DLGAP2: variants seen among roughly 807,000 people sequenced by gnomAD.
DLGAP2 encodes the protein DLG associated protein 2, also known as disks large-associated protein 2.
DLGAP2 carries 26 observed loss-of-function variants against 100.3 expected under a neutral mutation model. The ratio of observed to expected loss-of-function variants is 0.26; its 90% CI spans 0.19 to 0.36. The LOEUF (loss-of-function observed/expected upper bound fraction) is 0.36, where lower values mean the gene tolerates loss of function less well. Ranked by LOEUF, DLGAP2 falls within the 10% of genes least tolerant of loss-of-function variation. DLGAP2 has a pLI of 1.00. For missense variants in DLGAP2, 1,858 were observed against 1,453.2 expected, an observed-to-expected ratio of 1.28 and a Z score of -4.53; for synonymous variants, 886 against 630.1, an observed-to-expected ratio of 1.41 and a Z score of -6.08.
intron 1 of DLGAP2, among the ~76,000 whole-genome samples, chr8:855,608 C>T (rs567937564): frequency 1.1e-4 from 17 of 152,266 alleles, no homozygotes; most frequent in South Asian, 1.0e-3. Flanking sequence ...ACGTAAGCTT[C>T]AGGTGCCTGA....
intron 2 of DLGAP2, among the ~76,000 whole-genome samples, chr8:1,249,098 C>T (rs56000546): frequency 0.082 from 12,545 of 152,186 alleles, 1,682 homozygotes; most frequent in African/African-American, 0.28. Context: ...GAGTTCAACA[C>T]GAGTGTCCTG....
At chr8:1,201,778 A>G (rs1797879368) in intron 2 of DLGAP2, among the ~76,000 whole-genome samples, 1 of 152,206 alleles carries the variant, frequency 6.6e-6, no homozygotes, top group Non-Finnish European at 1.5e-5. Context: ...ACCAGGCAGC[A>G]TCCGCAGACA....
intron 1 of DLGAP2, among the ~76,000 whole-genome samples, chr8:759,176 A>G (rs1821005832): frequency 2.1e-5 from 2 of 94,758 alleles, no homozygotes. Flanking sequence ...CCTTCCCGTT[A>G]TCAATACCCC....
At chr8:1,159,790 A>C (rs973614535) in intron 2 of DLGAP2, among the ~76,000 whole-genome samples, 6 of 152,188 alleles carry the variant, frequency 3.9e-5, no homozygotes, top group Non-Finnish European at 8.8e-5. Flanking sequence ...GGAACGAATG[A>C]AAAGTTGCTC....
At chr8:1,444,057 GA>G (rs953014364) in intron 3 of DLGAP2, among the ~76,000 whole-genome samples, 1 of 151,942 alleles carries the variant, frequency 6.6e-6, no homozygotes, top group South Asian at 2.1e-4. Flanking sequence ...GTGGATGGAG[GA>G]AAAAAACCAT....
At chr8:1,278,145 C>T (rs779834554) in intron 3 of DLGAP2, among the ~76,000 whole-genome samples, 3 of 152,188 alleles carry the variant, frequency 2.0e-5, no homozygotes, top group Non-Finnish European at 2.9e-5. Flanking sequence ...TCCGTGCTCA[C>T]GGAAGTCAGC....
At chr8:1,305,442 A>C (rs1585242295) in intron 3 of DLGAP2, among the ~76,000 whole-genome samples, 1 of 152,240 alleles carries the variant, frequency 6.6e-6, no homozygotes, top group East Asian at 1.9e-4. Context: ...TGAGATGTAA[A>C]CTGCTTATAG....
At chr8:888,039 T>A (rs893636481) in intron 1 of DLGAP2, among the ~76,000 whole-genome samples, 6 of 152,216 alleles carry the variant, frequency 3.9e-5, no homozygotes, top group African/African-American at 1.4e-4. Context: ...AATCTTTTTA[T>A]GAAGTCCCAC....
At chr8:1,511,530 T>A (rs1413279847) in intron 4 of DLGAP2, among the ~76,000 whole-genome samples, 1 of 151,184 alleles carries the variant, frequency 6.6e-6, no homozygotes, top group East Asian at 2.0e-4. Flanking sequence ...TGTAAGACAG[T>A]CAATAGATGA....
At chr8:1,418,996 C>T (rs1362367089) in intron 3 of DLGAP2, among the ~76,000 whole-genome samples, 2 of 152,360 alleles carry the variant, frequency 1.3e-5, no homozygotes, top group South Asian at 2.1e-4. Flanking sequence ...CAGGCACAGC[C>T]GAACGAAGGG....
At chr8:1,513,742 G>A (rs982199801) in intron 4 of DLGAP2, among the ~76,000 whole-genome samples, 1 of 152,174 alleles carries the variant, frequency 6.6e-6, no homozygotes, top group African/African-American at 2.4e-5. Flanking sequence ...AATTATAGAT[G>A]TGTAAGTTAC....
chr8:1,339,775 A>G (rs1801377536), intron 3 of DLGAP2, among the ~76,000 whole-genome samples: 1 of 152,190 alleles, frequency 6.6e-6, no homozygotes, highest in Admixed American at 6.5e-5. Flanking sequence ...CTAGATCCAG[A>G]TACTCCAAAT....
At chr8:1,234,956 A>T (rs943849539) in intron 2 of DLGAP2, among the ~76,000 whole-genome samples, 1 of 152,018 alleles carries the variant, frequency 6.6e-6, no homozygotes, top group Non-Finnish European at 1.5e-5. Flanking sequence ...TCTCTCTCAC[A>T]TGCCACTGTG....
At chr8:1,195,800 G>A (rs1159599224) in intron 2 of DLGAP2, among the ~76,000 whole-genome samples, 1 of 152,162 alleles carries the variant, frequency 6.6e-6, no homozygotes, top group Non-Finnish European at 1.5e-5. Flanking sequence ...CGCGTTCCCC[G>A]GAGTGCGTGA....
chr8:1,358,650 G>C (rs375799197), intron 3 of DLGAP2, among the ~76,000 whole-genome samples: 1 of 152,172 alleles, frequency 6.6e-6, no homozygotes, highest in Non-Finnish European at 1.5e-5. Flanking sequence ...AGGGTTGGCC[G>C]TGGTGAAGAA....
At chr8:1,632,770 T>C in intron 7 of DLGAP2, 57 bp from the exon 8 acceptor site, 2 of 1,518,372 alleles carry the variant, frequency 1.3e-6, no homozygotes, top group Non-Finnish European at 1.8e-6. Context: ...GGCTTTTCTG[T>C]AACGTGATGG....
At chr8:1,634,215 T>G (rs1282388726) in intron 8 of DLGAP2, among the ~76,000 whole-genome samples, 1 of 152,220 alleles carries the variant, frequency 6.6e-6, no homozygotes, top group African/African-American at 2.4e-5. Context: ...CATAGATAAT[T>G]TATTTGCATA....
At chr8:831,868 C>CAG (rs766018199) in intron 1 of DLGAP2, among the ~76,000 whole-genome samples, 5,358 of 150,980 alleles carry the variant, frequency 0.035, 172 homozygotes, top group African/African-American at 0.07. Context: ...ACAGCCTCGC[C>CAG]CACATCTGTT....
intron 1 of DLGAP2, among the ~76,000 whole-genome samples, chr8:792,978 C>G (rs1260336705): frequency 6.6e-6 from 1 of 152,228 alleles, no homozygotes; most frequent in Non-Finnish European, 1.5e-5. Flanking sequence ...CTTCCCCACC[C>G]TTCCCCATGC....
Sources: gnomAD v4.1 joint callset for allele counts (sites outside exome capture counted in the v4.1 genomes callset) on GRCh38, gnomAD v4.1.1 for gene constraint, MANE v1.5 for transcripts, NCBI Gene and HGNC (gene_info 2026-07-23, HGNC 2026-07-21) for gene names.